HGD: variants seen among roughly 807,000 people sequenced by gnomAD.
HGD encodes homogentisate 1,2-dioxygenase.
HGD carries 61 observed loss-of-function variants against 60.8 expected under a neutral mutation model. The observed-to-expected ratio is 1.00, with a 90% confidence interval of 0.82 to 1.24. HGD has a LOEUF of 1.24. HGD is among the 50% of genes most tolerant of loss of function. The pLI is 0.00. For missense variants in HGD, 542 were observed against 547.1 expected (o/e 0.99, Z 0.09); for synonymous variants, 212 against 187.7 (o/e 1.13, Z -1.06).
At chr3:120,658,437 A>T (rs1941565544) in intron 4 of HGD, among the ~76,000 whole-genome samples, 1 of 152,200 alleles carries the variant, frequency 6.6e-6, no homozygotes, top group Non-Finnish European at 1.5e-5. Context: ...TCCAGGGTAC[A>T]CTGGTGTGAG....
chr3:120,630,220 A>G (rs1355562636), intron 13 of HGD, among the ~76,000 whole-genome samples: 1 of 152,216 alleles, frequency 6.6e-6, no homozygotes, highest in Non-Finnish European at 1.5e-5. Flanking sequence ...TAAAGATTCA[A>G]CGCTGTTCAT....
At chr3:120,674,343 G>C (rs1355710615) in intron 3 of HGD, among the ~76,000 whole-genome samples, 1 of 152,132 alleles carries the variant, frequency 6.6e-6, no homozygotes, top group Non-Finnish European at 1.5e-5. Flanking sequence ...ATGGAACATG[G>C]CACAGTATGT....
At chr3:120,635,033 CT>C (rs1297884703) in intron 12 of HGD, among the ~76,000 whole-genome samples, 1 of 152,160 alleles carries the variant, frequency 6.6e-6, no homozygotes, top group Non-Finnish European at 1.5e-5. Context: ...TCAGGGTCAC[CT>C]TCATGGCTTA....
rs749915521 is a variant in HGD at position 120,682,128 on chromosome 3, G to A, written c.-17C>T. On this transcript the variant is annotated 5_prime_UTR_variant, in exon 1 of 14. Coordinates refer to ENST00000283871, the MANE Select transcript of HGD (RefSeq NM_000187.4). ...CTCAGCCATTTTCTCTCTCCTCTATGTGTGGTGACTTCAGGAAACCCAGGC... is the reference window on the plus strand; with the variant it reads ...CTCAGCCATTTTCTCTCTCCTCTATATGTGGTGACTTCAGGAAACCCAGGC... 2 of 1,613,564 alleles carry A rather than the reference G, an allele frequency of 1.2e-6. No individual in the cohort carries two copies. The highest frequency in any genetic ancestry group is 1.7e-6 in the Non-Finnish European group (2 of 1,179,542).
At chr3:120,664,590 G>C (rs2107539489) in intron 4 of HGD, among the ~76,000 whole-genome samples, 1 of 152,008 alleles carries the variant, frequency 6.6e-6, no homozygotes, top group Admixed American at 6.6e-5. Flanking sequence ...ACCATGCTCA[G>C]CTAATTTTTT....
chr3:120,664,547 C>T (rs1263904234), intron 4 of HGD, among the ~76,000 whole-genome samples: 1 of 151,602 alleles, frequency 6.6e-6, no homozygotes, highest in Non-Finnish European at 1.5e-5. Context: ...CCCACCTCAG[C>T]CTCCTGAGTG....
In HGD at chr3:120,674,011, C is replaced by T. The variant is rs1344673527; in HGVS notation, c.176+890G>A. On this transcript the variant is annotated intron_variant, in intron 3 of 13. Coordinates refer to ENST00000283871, the MANE Select transcript of HGD (RefSeq NM_000187.4). ...GCCTCCAGGGTGGCCATGATTAAAC[C>T]TTGCAATCTTTATCATTTGTGTGGT... Among the ~76,000 whole-genome samples the T allele has an allele frequency of 3.3e-5, 5 of 152,260 alleles. No homozygotes were observed. In the East Asian group the frequency reaches 9.6e-4, roughly 29 times the overall value.
At chr3:120,658,016 A>G (rs1197992281) in intron 4 of HGD, among the ~76,000 whole-genome samples, 1 of 152,172 alleles carries the variant, frequency 6.6e-6, no homozygotes, top group East Asian at 1.9e-4. Context: ...CCCACCTCCA[A>G]CATTAGGGAT....
chr3:120,647,567 C>T (rs536600155), intron 7 of HGD, among the ~76,000 whole-genome samples: 1 of 152,266 alleles, frequency 6.6e-6, no homozygotes, highest in Non-Finnish European at 1.5e-5. Flanking sequence ...AAGGCAAATA[C>T]AGTTACCGTA....
intron 1 of HGD, chr3:120,678,037 G>A (rs1002133148): frequency 1.3e-5 from 2 of 152,184 alleles, no homozygotes; most frequent in African/African-American, 4.8e-5. Flanking sequence ...GACCTAGGAA[G>A]CAATGGAAGT....
chr3:120,682,234 T>G lies in HGD; in HGVS notation c.-123A>C. 3.5e-5 allele frequency: 32 copies of G among 917,362 alleles called. No individual in the cohort carries two copies. The South Asian group carries it at 3.5e-4, about 10-fold the overall frequency. 56.8% of individuals were successfully genotyped at this position (917,362 alleles called of 1,614,324 possible). A position where few individuals can be genotyped will look rare whatever the true frequency, so the allele number is the denominator to read the frequency against. ...TCCGGTTCCCACTGCTTCACTGCGC[T>G]TCACTGGTCAGTGCGTCACTCAAAC... On this transcript the variant is annotated 5_prime_UTR_variant, in exon 1 of 14. Coordinates refer to ENST00000283871, the MANE Select transcript of HGD (RefSeq NM_000187.4).
At chr3:120,679,515 G>C (rs1438993983) in intron 1 of HGD, among the ~76,000 whole-genome samples, 1 of 152,172 alleles carries the variant, frequency 6.6e-6, no homozygotes, top group African/African-American at 2.4e-5. Context: ...TGAAACCTGT[G>C]AGTATTATCT....
intron 1 of HGD, among the ~76,000 whole-genome samples, chr3:120,677,693 T>C (rs1031972824): frequency 1.3e-5 from 2 of 152,158 alleles, no homozygotes; most frequent in Non-Finnish European, 2.9e-5. Flanking sequence ...AAGTACTTGA[T>C]GTCTGTGACC....
At chr3:120,652,543 C>T (rs1368495703) in intron 5 of HGD, 49 bp downstream of exon 5, 1 of 1,418,932 alleles carries the variant, frequency 7.0e-7, no homozygotes, top group Non-Finnish European at 1.0e-6. Context: ...GCTCACTCAC[C>T]ACAGAAGAGA....
At chr3:120,630,303 G>C (rs1940544026) in intron 13 of HGD, among the ~76,000 whole-genome samples, 1 of 152,032 alleles carries the variant, frequency 6.6e-6, no homozygotes, top group Admixed American at 6.6e-5. Flanking sequence ...CCAAAAAAGA[G>C]CCCAAATACC....
chr3:120,635,615 T>C (rs1390571053), intron 12 of HGD, among the ~76,000 whole-genome samples: 2 of 152,180 alleles, frequency 1.3e-5, no homozygotes, highest in Admixed American at 6.5e-5. Context: ...ATTTTGAGTA[T>C]TGCCAAGGCA....
intron 5 of HGD, 140 bp from the exon 6 acceptor site, chr3:120,651,005 G>T (rs1334669785): frequency 1.3e-6 from 1 of 762,508 alleles, no homozygotes; most frequent in Non-Finnish European, 2.4e-6. Context: ...TGGAATCCAG[G>T]CAGCCTCTAA....
intron 12 of HGD, chr3:120,633,587 A>T (rs1314069585): frequency 2.1e-6 from 3 of 1,422,722 alleles, no homozygotes; most frequent in Non-Finnish European, 2.8e-6. Context: ...GAATCAGGCT[A>T]GATCTAAAGA....
At chr3:120,652,462 C>G (rs903934555) in intron 5 of HGD, 130 bp downstream of exon 5, 1 of 712,488 alleles carries the variant, frequency 1.4e-6, no homozygotes, top group Non-Finnish European at 2.6e-6. Context: ...CCAAAGCATA[C>G]GCAGGTGGTT....
Sources: gnomAD v4.1 joint callset for allele counts (sites outside exome capture counted in the v4.1 genomes callset) on GRCh38, gnomAD v4.1.1 for gene constraint, MANE v1.5 for transcripts, NCBI Gene and HGNC (gene_info 2026-07-23, HGNC 2026-07-21) for gene names.